Variants in WRAP73 observed in about 807,000 individuals in gnomAD.
WRAP73 encodes WD repeat-containing protein WRAP73.
A neutral mutation model predicts 59.6 loss-of-function variants in WRAP73; 55 were observed. That is an observed-to-expected ratio of 0.92 (90% CI 0.74 to 1.15). WRAP73 has a LOEUF of 1.15. Ranked by LOEUF, WRAP73 falls within the 50% of genes most tolerant of loss-of-function variation. WRAP73 has a pLI of 0.00. For synonymous variants in WRAP73, 265 were observed against 258.2 expected, an observed-to-expected ratio of 1.03 and a Z score of -0.25; for missense variants, 592 against 608.1, an observed-to-expected ratio of 0.97 and a Z score of 0.28.
At chr1:3,632,894 C>T (rs1557454108) in intron 9 of WRAP73, 4 of 209,232 alleles carry the variant, frequency 1.9e-5, no homozygotes, top group South Asian at 6.8e-5. Flanking sequence ...CTTGGGGCAC[C>T]GCTTCCTCTA....
chr1:3,637,531 G>A (rs1239621057), intron 4 of WRAP73, among the ~76,000 whole-genome samples: 2 of 152,212 alleles, frequency 1.3e-5, no homozygotes, highest in Non-Finnish European at 2.9e-5. Context: ...TAATTATTTG[G>A]AAGAAGTAAA....
In WRAP73 at chr1:3,647,517, G is replaced by A; in HGVS notation, c.113C>T (p.Thr38Ile). 6.2e-7 allele frequency: 1 copy of A among 1,613,920 alleles called. No individual in the cohort carries two copies. Among genetic ancestry groups the A allele is most frequent in the Non-Finnish European group, 8.5e-7 (1 of 1,179,916 alleles). ...QYRLVVRDVN[T>I]LQILQLYTCL... ...CGTGTACAGCTGAAGGATCTGAAGGGTGTTCACATCCCGGACCACTAACCG... is the reference window on the plus strand; with the variant it reads ...CGTGTACAGCTGAAGGATCTGAAGGATGTTCACATCCCGGACCACTAACCG... The change falls in exon 2 of 12, where the codon ACC becomes ATC. Residue 38 changes from threonine (T) to isoleucine (I), a missense_variant. Coordinates refer to ENST00000270708, the MANE Select transcript of WRAP73 (RefSeq NM_017818.4).
chr1:3,631,868 G>A (rs1459722446), intron 10 of WRAP73: 16 of 1,393,474 alleles, frequency 1.1e-5, no homozygotes, highest in East Asian at 1.1e-4. Context: ...GGGCCCAAAT[G>A]TGTTTCTTTC....
In WRAP73 at chr1:3,635,212, A is replaced by G; in HGVS notation, c.686T>C (p.Val229Ala). Reference sequence around the variant, plus strand: ...GAACTGACTGCTGGGGCTCCAGGCCACAGACTTGATGCCCAGGGACCACTC... The same window carrying G: ...GAACTGACTGCTGGGGCTCCAGGCCGCAGACTTGATGCCCAGGGACCACTC... ...AYEWSLGIKS[V>A]AWSPSSQFLA... The change falls in exon 7 of 12, where the codon GTG becomes GCG. Residue 229 changes from valine (V) to alanine (A), a missense_variant. Transcript: ENST00000270708. 1 of 1,614,066 alleles carries G rather than the reference A, an allele frequency of 6.2e-7. No homozygotes were observed.
chr1:3,633,391 T>C lies in WRAP73; in HGVS notation c.922+7A>G. On this transcript the variant is annotated splice_region_variant and intron_variant, in intron 9 of 11. Coordinates refer to ENST00000270708, the MANE Select transcript of WRAP73 (RefSeq NM_017818.4). Reference sequence around the variant, plus strand: ...GGAAAACAAATGACATCACATGTGCTACTTACATTTACTCTCTGAGCTCGG... The same window carrying C: ...GGAAAACAAATGACATCACATGTGCCACTTACATTTACTCTCTGAGCTCGG... 1.9e-6 allele frequency: 3 copies of C among 1,609,734 alleles called. No homozygotes were observed. The highest frequency in any genetic ancestry group is 1.1e-5 in the South Asian group (1 of 90,996).
Position 3,646,604 on chromosome 1 carries a change from C to A in WRAP73, c.339+62G>T. 7.1e-7 allele frequency: 1 copy of A among 1,414,134 alleles called. No individual in the cohort carries two copies. The highest frequency in any genetic ancestry group is 1.2e-5 in the South Asian group (1 of 80,372). 87.6% of individuals were successfully genotyped at this position (1,414,134 alleles called of 1,614,324 possible). A position where few individuals can be genotyped will look rare whatever the true frequency, so the allele number is the denominator to read the frequency against. On this transcript the variant is annotated intron_variant, in intron 3 of 11. Transcript: ENST00000270708. This position sits in a 1 kb window ranked among gnomAD's most constrained non-coding sequence, Gnocchi z 5.1. ...ACACACCCCCTCTCGCACTCCCCAG[C>A]TGTTTCGAGAGCAGAGGACAGGATC...
chr1:3,632,356 A>T lies in WRAP73; in HGVS notation c.923-18T>A. 6.2e-7 allele frequency: 1 copy of T among 1,614,054 alleles called. No homozygotes were observed. The highest frequency in any genetic ancestry group is 8.5e-7 in the Non-Finnish European group (1 of 1,179,948). ...GATCTCATCTAGAACACCAACAGGA[A>T]GAACACGCCATTGTCACCCTTTCGG... On this transcript the variant is annotated intron_variant, in intron 9 of 11. Coordinates refer to ENST00000270708, the MANE Select transcript of WRAP73 (RefSeq NM_017818.4).
intron 8 of WRAP73, chr1:3,634,540 A>G: frequency 5.2e-6 from 1 of 191,774 alleles, no homozygotes. Context: ...ACTCCCTGCC[A>G]CCCCGTGGAG....
At chr1:3,631,350 G>A in intron 11 of WRAP73, 116 bp downstream of exon 11, 1 of 1,391,094 alleles carries the variant, frequency 7.2e-7, no homozygotes, top group African/African-American at 1.4e-5. Flanking sequence ...GACTCTGAGG[G>A]CAGTTTCCCT....
At chr1:3,636,704 C>T (rs1004078882) in intron 5 of WRAP73, 8 of 440,816 alleles carry the variant, frequency 1.8e-5, no homozygotes, top group Admixed American at 3.0e-5. Context: ...CCCCAACTCC[C>T]GACGTGGCAC....
chr1:3,639,004 C>T lies in WRAP73; in HGVS notation c.340-182G>A, dbSNP rs554071691. The T allele has an allele frequency of 5.6e-5, 33 of 594,576 alleles. No homozygotes were observed. In the East Asian group the frequency reaches 5.8e-4, roughly 11 times the overall value. The allele number at this position is 594,576 out of a possible 1,614,324, so 36.8% of individuals were successfully genotyped here. A position where few individuals can be genotyped will look rare whatever the true frequency, so the allele number is the denominator to read the frequency against. On this transcript the variant is annotated intron_variant, in intron 3 of 11. Coordinates refer to ENST00000270708, the MANE Select transcript of WRAP73 (RefSeq NM_017818.4). The surrounding 1 kb of genome is among the most constrained non-coding windows in gnomAD (Gnocchi z 4.3). The stretch of plus-strand genomic sequence containing the variant: ...TCAAATGCGTATTTTACTGTGGTTA[C>T]GGTAAATTTGGTGTTCTTGGTTTTC...
intron 6 of WRAP73, chr1:3,635,693 T>A (rs1644583187): frequency 2.0e-6 from 1 of 512,666 alleles, no homozygotes; most frequent in South Asian, 2.3e-5. Context: ...TGGTGGTGCA[T>A]GCTTGTGGTC....
intron 9 of WRAP73, chr1:3,633,045 G>A (rs961841534): frequency 1.0e-5 from 3 of 293,910 alleles, no homozygotes; most frequent in Admixed American, 5.1e-5. Context: ...CGGAGACAGC[G>A]CTCGGGAGCA....
At chr1:3,635,879 T>A (rs1644584642) in intron 6 of WRAP73, 65 bp downstream of exon 6, 1 of 1,371,316 alleles carries the variant, frequency 7.3e-7, no homozygotes, top group Non-Finnish European at 1.0e-6. Flanking sequence ...ATTGCAGCAT[T>A]CAGAAAGCAT....
intron 4 of WRAP73, among the ~76,000 whole-genome samples, chr1:3,637,621 C>T (rs1420693605): frequency 1.3e-5 from 2 of 152,288 alleles, no homozygotes; most frequent in East Asian, 3.9e-4. Flanking sequence ...GCAGGTGAAT[C>T]GCTTGAGCCT....
chr1:3,633,473 G>A lies in WRAP73; in HGVS notation c.847C>T (p.Gln283Ter). ...VVYKEAEKSP[Q>*]LGLGCLSFPP... ...AAGGAGAGGCAGCCCAGTCCCAGCT[G>A]TGGGCTCTTCTCGGCCTCCTTATAC... Residue 283 changes from glutamine to a stop codon, truncating the protein, a stop_gained, in exon 9 of 12, where the codon CAG becomes TAG. Coordinates refer to ENST00000270708, the MANE Select transcript of WRAP73 (RefSeq NM_017818.4). LOFTEE classifies it high-confidence loss of function. 1.2e-6 allele frequency: 2 copies of A among 1,610,060 alleles called. No individual in the cohort carries two copies. The highest frequency in any genetic ancestry group is 1.7e-6 in the Non-Finnish European group (2 of 1,179,166).
chr1:3,636,995 C>T lies in WRAP73; in HGVS notation c.516G>A (p.Arg172=), dbSNP rs776035329. 1.9e-5 allele frequency: 30 copies of T among 1,613,450 alleles called. No individual in the cohort carries two copies. The highest frequency in any genetic ancestry group is 1.0e-4 in the Admixed American group (6 of 59,998). The change falls in exon 5 of 12, where the codon CGG becomes CGA. Residue 172 remains arginine (R), a splice_region_variant and synonymous_variant. Transcript: ENST00000270708. The part of the protein sequence containing the change: ...IFVCSDWQLL[R]HFDTDTQDLT... Reference sequence around the variant, plus strand: ...TATTCCAGTCTGGGGGACGCCTTACCCGCAGGAGCTGCCAATCACTGCAGA... The same window carrying T: ...TATTCCAGTCTGGGGGACGCCTTACTCGCAGGAGCTGCCAATCACTGCAGA...
chr1:3,632,883 A>G (rs1452084918), intron 9 of WRAP73: 1 of 209,458 alleles, frequency 4.8e-6, no homozygotes, highest in Non-Finnish European at 9.7e-6. Context: ...GCCCGTCGGC[A>G]CTTGGGGCAC....
rs977643186 is a variant in WRAP73 at position 3,639,737 on chromosome 1, C to T, written c.340-915G>A. On this transcript the variant is annotated intron_variant, in intron 3 of 11. Coordinates refer to ENST00000270708, the MANE Select transcript of WRAP73 (RefSeq NM_017818.4). This position sits in a 1 kb window ranked among gnomAD's most constrained non-coding sequence, Gnocchi z 4.3. Reference sequence around the variant, plus strand: ...CAGCTCCGTGTGTGGGGACACAGGGCTGCGCAGCTCCATGTGGGGTGGGGT... The same window carrying T: ...CAGCTCCGTGTGTGGGGACACAGGGTTGCGCAGCTCCATGTGGGGTGGGGT... The T allele has an allele frequency of 6.6e-6, 1 of 150,804 alleles. No homozygotes were observed. The highest frequency in any genetic ancestry group is 2.4e-5 in the African/African-American group (1 of 40,860). 9.3% of individuals were successfully genotyped at this position (150,804 alleles called of 1,614,324 possible).
Sources: gnomAD v4.1 joint callset for allele counts (sites outside exome capture counted in the v4.1 genomes callset) on GRCh38, gnomAD v4.1.1 for gene constraint, Gnocchi (gnomAD v3.1) non-coding constraint, MANE v1.5 for transcripts, NCBI Gene and HGNC (gene_info 2026-07-23, HGNC 2026-07-21) for gene names.